The following BRIP1 variants were observed in gnomAD, a reference collection of about 807,000 sequenced individuals.
BRIP1 encodes Fanconi anemia group J protein.
BRIP1 carries 88 observed loss-of-function variants against 119.7 expected under a neutral mutation model. The ratio of observed to expected loss-of-function variants is 0.74; its 90% confidence interval spans 0.62 to 0.88. The LOEUF is 0.88. Ranked by LOEUF, BRIP1 falls within the 40% of genes least tolerant of loss-of-function variation. The pLI is 0.00. For synonymous variants in BRIP1, 443 were observed against 496.5 expected (o/e 0.89, Z 1.43); for missense variants, 1,259 against 1,455.4 (o/e 0.87, Z 2.20).
At chr17:61,732,988 A>G (rs149203069) in intron 16 of BRIP1, among the ~76,000 whole-genome samples, 4 of 152,254 alleles carry the variant, frequency 2.6e-5, no homozygotes, top group African/African-American at 9.6e-5. Context: ...GCCACTGCAC[A>G]CGGCCGTCAT....
intron 7 of BRIP1, among the ~76,000 whole-genome samples, chr17:61,801,737 C>A (rs186891629): frequency 3.9e-4 from 60 of 152,152 alleles, no homozygotes; most frequent in Admixed American, 1.2e-3. Flanking sequence ...AAAAAAATTT[C>A]TTTTAAATAT....
intron 16 of BRIP1, among the ~76,000 whole-genome samples, chr17:61,731,712 C>T (rs2076845513): frequency 6.6e-6 from 1 of 152,040 alleles, no homozygotes; most frequent in African/African-American, 2.4e-5. Flanking sequence ...TTCTTGATCC[C>T]CAAAGACCTG....
In BRIP1 at chr17:61,828,849, T is replaced by C. The variant is rs771084582; in HGVS notation, c.627+18252A>G. On this transcript the variant is annotated intron_variant, in intron 6 of 19. Coordinates refer to ENST00000259008, the MANE Select transcript of BRIP1 (RefSeq NM_032043.3). The surrounding 1 kb of genome is among the most constrained non-coding windows in gnomAD (Gnocchi z 4.1). ...AAAAATGGCACAAAACATGGGAGAGTAGACACGGAAGTATATTGGCAGAAG... is the reference window on the plus strand; with the variant it reads ...AAAAATGGCACAAAACATGGGAGAGCAGACACGGAAGTATATTGGCAGAAG... 3.3e-5 allele frequency among the ~76,000 whole-genome samples: 5 copies of C among 151,416 alleles called. No homozygotes were observed. Among genetic ancestry groups the C allele is most frequent in the South Asian group, 2.1e-4 (1 of 4,788 alleles).
At chr17:61,836,633 T>C (rs1426722936) in intron 6 of BRIP1, among the ~76,000 whole-genome samples, 1 of 151,774 alleles carries the variant, frequency 6.6e-6, no homozygotes, top group East Asian at 1.9e-4. Flanking sequence ...TATAAAAAAC[T>C]GAAAAAAAGA....
Position 61,739,323 on chromosome 17 carries a change from C to A in BRIP1, c.2379+3690G>T. ...TAGATGTCAACTGTTTCATCAGTAG[C>A]TGTAGTCAAGGCAGCATCAGCCATT... is the stretch of plus-strand genomic sequence containing the variant. On this transcript the variant is annotated intron_variant, in intron 16 of 19. Coordinates refer to ENST00000259008, the MANE Select transcript of BRIP1 (RefSeq NM_032043.3). This position sits in a 1 kb window ranked among gnomAD's most constrained non-coding sequence, Gnocchi z 6.0. 5.0e-6 allele frequency: 1 copy of A among 201,380 alleles called. No individual in the cohort carries two copies. The highest frequency in any genetic ancestry group is 7.6e-5 in the East Asian group (1 of 13,214). 12.5% of individuals were successfully genotyped at this position (201,380 alleles called of 1,614,324 possible).
rs1443305570 is a variant in BRIP1, at chr17:61,822,249, A to G, written c.628-13492T>C. On this transcript the variant is annotated intron_variant, in intron 6 of 19. Coordinates refer to ENST00000259008, the MANE Select transcript of BRIP1 (RefSeq NM_032043.3). This position sits in a 1 kb window ranked among gnomAD's most constrained non-coding sequence, Gnocchi z 4.4. Reference sequence around the variant, plus strand: ...GATTCTCATCATTTTTTTCTGTAAAATCTTTGATGTTACTAGAATTTTTAT... The same window carrying G: ...GATTCTCATCATTTTTTTCTGTAAAGTCTTTGATGTTACTAGAATTTTTAT... 6.6e-6 allele frequency among the ~76,000 whole-genome samples: 1 copy of G among 152,182 alleles called. No individual in the cohort carries two copies. Among genetic ancestry groups the G allele is most frequent in the Non-Finnish European group, 1.5e-5 (1 of 68,036 alleles).
At chr17:61,749,442 T>C (rs1202210271) in intron 14 of BRIP1, among the ~76,000 whole-genome samples, 1 of 151,922 alleles carries the variant, frequency 6.6e-6, no homozygotes. Flanking sequence ...GCAAAGGACA[T>C]GAATAGACAG....
At chr17:61,787,267 A>G (rs2077737852) in intron 10 of BRIP1, among the ~76,000 whole-genome samples, 1 of 82,994 alleles carries the variant, frequency 1.2e-5, no homozygotes, top group African/African-American at 5.0e-5. Flanking sequence ...TATATAAAAT[A>G]TATAAAAATA....
chr17:61,854,754 T>A (rs1055570542), intron 4 of BRIP1, among the ~76,000 whole-genome samples: 1 of 150,218 alleles, frequency 6.7e-6, no homozygotes, highest in East Asian at 1.9e-4. Context: ...CAAAGCAATC[T>A]GGTCATTCTG....
At chr17:61,821,632 C>G (rs1196837046) in intron 6 of BRIP1, among the ~76,000 whole-genome samples, 1 of 151,904 alleles carries the variant, frequency 6.6e-6, no homozygotes. Context: ...TAGGTTTAAG[C>G]AATCCTCCTG....
At position 61,705,544 on chromosome 17, in the gene BRIP1, C is replaced by G. The variant is rs1270034461; in HGVS notation, c.2492+10407G>C. 1.3e-5 allele frequency among the ~76,000 whole-genome samples: 2 copies of G among 152,088 alleles called. No individual in the cohort carries two copies. The highest frequency in any genetic ancestry group is 2.9e-5 in the Non-Finnish European group (2 of 67,992). On this transcript the variant is annotated intron_variant, in intron 17 of 19. Transcript: ENST00000259008. The surrounding 1 kb of genome is among the most constrained non-coding windows in gnomAD (Gnocchi z 5.0). ...TTCACTGATTTCATTATTTTTGTTA[C>G]AATTCATCAATTTATACTTGTTTTT... is the stretch of plus-strand genomic sequence containing the variant.
rs111542575 is a variant in BRIP1, at chr17:61,724,374, T to C, written c.2380-8311A>G. 6.6e-5 allele frequency among the ~76,000 whole-genome samples: 10 copies of C among 152,284 alleles called. No individual in the cohort carries two copies. The highest frequency in any genetic ancestry group is 2.4e-4 in the African/African-American group (10 of 41,582). ...AACAGTATAAGTAGCAGAGCACTTA[T>C]AGCAGCAATAGACAATATGAAATAA... On this transcript the variant is annotated intron_variant, in intron 16 of 19. Coordinates refer to ENST00000259008, the MANE Select transcript of BRIP1 (RefSeq NM_032043.3). The surrounding 1 kb of genome is among the most constrained non-coding windows in gnomAD (Gnocchi z 5.1).
intron 6 of BRIP1, among the ~76,000 whole-genome samples, chr17:61,813,718 C>T (rs146802995): frequency 2.6e-5 from 4 of 152,152 alleles, no homozygotes; most frequent in African/African-American, 9.6e-5. Flanking sequence ...TTGTGCTAAA[C>T]ATTTTTCATC....
chr17:61,706,316 C>T lies in BRIP1; in HGVS notation c.2492+9635G>A, dbSNP rs36005366. 6.4e-3 allele frequency among the ~76,000 whole-genome samples: 973 copies of T among 152,276 alleles called. 10 individuals are homozygous for T. Among genetic ancestry groups the T allele is most frequent in the Middle Eastern group, 0.02 (6 of 294 alleles). On this transcript the variant is annotated intron_variant, in intron 17 of 19. Coordinates refer to ENST00000259008, the MANE Select transcript of BRIP1 (RefSeq NM_032043.3). The surrounding 1 kb of genome is among the most constrained non-coding windows in gnomAD (Gnocchi z 5.7). ...TCAGAGTTCTCAAACAGCTACTCCA[C>T]ATATTCTGTCTAGGTTTTTTAGACT...
At chr17:61,849,314 T>C (rs2145768528) in intron 4 of BRIP1, 58 bp from the exon 5 acceptor site, 11 of 1,490,016 alleles carry the variant, frequency 7.4e-6, no homozygotes, top group Non-Finnish European at 1.0e-5. Context: ...GCAATTTTTC[T>C]AGAAGAAAAC....
chr17:61,775,583 A>C lies in BRIP1; in HGVS notation c.2097+818T>G, dbSNP rs1384221718. 2.0e-5 allele frequency among the ~76,000 whole-genome samples: 3 copies of C among 152,204 alleles called. No individual in the cohort carries two copies. Among genetic ancestry groups the C allele is most frequent in the Non-Finnish European group, 2.9e-5 (2 of 68,034 alleles). ...AAGTGGTTTCAATGCTTTGAATGTT[A>C]GGAGGACCAAAATATACTAAATAAT... is the stretch of plus-strand genomic sequence containing the variant. On this transcript the variant is annotated intron_variant, in intron 14 of 19. Coordinates refer to ENST00000259008, the MANE Select transcript of BRIP1 (RefSeq NM_032043.3). The surrounding 1 kb of genome is among the most constrained non-coding windows in gnomAD (Gnocchi z 4.4).
rs6504071 is a variant in BRIP1, at chr17:61,807,868, A to C, written c.918+599T>G. Among the ~76,000 whole-genome samples, 120,770 of 151,962 alleles carry C rather than the reference A, an allele frequency of 0.79. 48,646 individuals carry two copies. The highest frequency in any genetic ancestry group is 0.9 in the African/African-American group (37,338 of 41,484). The stretch of plus-strand genomic sequence containing the variant: ...TCATATAAGTCTTTAGTAAGAAAGA[A>C]TTCTCTATTTCCACCAAGCCCAAAT... On this transcript the variant is annotated intron_variant, in intron 7 of 19. Coordinates refer to ENST00000259008, the MANE Select transcript of BRIP1 (RefSeq NM_032043.3). The surrounding 1 kb of genome is among the most constrained non-coding windows in gnomAD (Gnocchi z 4.5).
chr17:61,707,515 T>TC (rs2061708596), intron 17 of BRIP1, among the ~76,000 whole-genome samples: 1 of 152,154 alleles, frequency 6.6e-6, no homozygotes, highest in East Asian at 1.9e-4. Context: ...ATCTGAGCCT[T>TC]CTATGTATCA....
Position 61,859,410 on chromosome 17 carries a change from C to T in BRIP1, c.205+386G>A, listed in dbSNP as rs375298840. On this transcript the variant is annotated intron_variant, in intron 3 of 19. Coordinates refer to ENST00000259008, the MANE Select transcript of BRIP1 (RefSeq NM_032043.3). The stretch of plus-strand genomic sequence containing the variant: ...TGGAGTGCACAATCACAGCTCTCTG[C>T]AACCTCGACCTCCTGGGCTCAAGCG... Among the ~76,000 whole-genome samples the T allele has an allele frequency of 6.6e-5, 10 of 152,230 alleles. No homozygotes were observed. The East Asian group carries it at 9.7e-4, about 15-fold the overall frequency.
Sources: gnomAD v4.1 joint callset for allele counts (sites outside exome capture counted in the v4.1 genomes callset) on GRCh38, gnomAD v4.1.1 for gene constraint, Gnocchi (gnomAD v3.1) non-coding constraint, MANE v1.5 for transcripts, NCBI Gene and HGNC (gene_info 2026-07-23, HGNC 2026-07-21) for gene names.